SYN3: variants seen among roughly 807,000 people sequenced by gnomAD.
SYN3 encodes the protein synapsin III.
SYN3 carries 35 observed loss-of-function variants against 65.8 expected under a neutral mutation model. The ratio of observed to expected loss-of-function variants is 0.53; its 90% CI spans 0.41 to 0.70. The LOEUF (loss-of-function observed/expected upper bound fraction) is 0.70, where lower values mean the gene tolerates loss of function less well. Ranked by LOEUF, SYN3 falls within the 30% of genes least tolerant of loss-of-function variation. The pLI is 0.00. For synonymous variants in SYN3, 270 were observed against 292.9 expected, an observed-to-expected ratio of 0.92 and a Z score of 0.80; for missense variants, 680 against 749.0, an observed-to-expected ratio of 0.91 and a Z score of 1.08.
At position 32,864,984 on chromosome 22, in the gene SYN3, G is replaced by A. The variant is rs768956968; in HGVS notation, c.642C>T (p.Ile214=). Residue 214 remains isoleucine, a synonymous_variant, in exon 6 of 14, where the codon ATC becomes ATT. Transcript: ENST00000358763. The part of the protein sequence containing the change: ...KPWVFSQLIK[I]FHSLGPEKFP... ...ACTTCTCAGGACCCAGGGAATGGAA[G>A]ATCTTAATGAGCTGAGAGAACTAGG... 7 of 1,614,052 alleles carry A rather than the reference G, an allele frequency of 4.3e-6. No individual in the cohort carries two copies. In the Admixed American group the frequency reaches 1.2e-4, roughly 27 times the overall value.
chr22:32,737,362 A>C (rs1345767477), intron 6 of SYN3, among the ~76,000 whole-genome samples: 2 of 152,116 alleles, frequency 1.3e-5, no homozygotes, highest in African/African-American at 4.8e-5. Flanking sequence ...CATGTGCACA[A>C]CGTGCAGGTT....
chr22:32,989,619 G>C (rs994804744), intron 2 of SYN3, among the ~76,000 whole-genome samples: 7 of 151,978 alleles, frequency 4.6e-5, no homozygotes, highest in African/African-American at 1.7e-4. Flanking sequence ...TGGATCACCT[G>C]AGGTCAGGAG....
intron 6 of SYN3, chr22:32,849,360 C>A: frequency 9.3e-7 from 1 of 1,070,872 alleles, no homozygotes; most frequent in Non-Finnish European, 1.4e-6. Context: ...CAATTCCAGG[C>A]TCCACAGAGG....
chr22:33,009,300 C>T (rs1178994907), intron 1 of SYN3, among the ~76,000 whole-genome samples: 1 of 152,108 alleles, frequency 6.6e-6, no homozygotes, highest in Middle Eastern at 3.2e-3. Flanking sequence ...TCGTTTTCAT[C>T]CTACCCATTC....
chr22:33,052,016 G>A (rs1020183636), intron 1 of SYN3, among the ~76,000 whole-genome samples: 1 of 152,040 alleles, frequency 6.6e-6, no homozygotes, highest in African/African-American at 2.4e-5. Context: ...CTAAAACTTG[G>A]ATTAGGAAGG....
intron 6 of SYN3, among the ~76,000 whole-genome samples, chr22:32,598,531 G>A (rs1345339670): frequency 6.6e-6 from 1 of 152,104 alleles, no homozygotes; most frequent in East Asian, 1.9e-4. Flanking sequence ...TTTCGCTCAG[G>A]CTGAAGTGCA....
intron 4 of SYN3, among the ~76,000 whole-genome samples, chr22:32,925,866 C>CTTTTTTTTTTTT (rs34649323): frequency 2.3e-5 from 3 of 132,730 alleles, no homozygotes; most frequent in African/African-American, 2.8e-5. Context: ...GATAGTTGTT[C>CTTTTTTTTTTTT]TTTTTTTTTT....
intron 6 of SYN3, among the ~76,000 whole-genome samples, chr22:32,665,830 A>G (rs2060282505): frequency 6.6e-6 from 1 of 152,030 alleles, no homozygotes; most frequent in South Asian, 2.1e-4. Flanking sequence ...ATGACTCTTA[A>G]CACTATCTAT....
chr22:32,677,854 A>G (rs1351837895), intron 6 of SYN3, among the ~76,000 whole-genome samples: 1 of 152,180 alleles, frequency 6.6e-6, no homozygotes, highest in East Asian at 1.9e-4. Context: ...TTGAGTGAAA[A>G]GCAAGCTGGA....
At chr22:33,017,944 G>A (rs1365570304) in intron 1 of SYN3, among the ~76,000 whole-genome samples, 2 of 152,172 alleles carry the variant, frequency 1.3e-5, no homozygotes, top group Non-Finnish European at 2.9e-5. Context: ...AGAACAGAGG[G>A]ATGGCCAGCT....
At chr22:32,992,251 C>T (rs773613504) in intron 2 of SYN3, among the ~76,000 whole-genome samples, 3 of 152,214 alleles carry the variant, frequency 2.0e-5, no homozygotes, top group Admixed American at 1.3e-4. Flanking sequence ...GCAGCCTGAC[C>T]CTTTCATGGT....
chr22:32,931,556 A>G (rs1601720635), intron 3 of SYN3, 75 bp from the exon 4 acceptor site: 1 of 981,194 alleles, frequency 1.0e-6, no homozygotes, highest in East Asian at 2.4e-5. Flanking sequence ...CATATTGGGT[A>G]CTTAGAGGTA....
At chr22:32,752,754 G>A (rs1445981031) in intron 6 of SYN3, among the ~76,000 whole-genome samples, 1 of 152,164 alleles carries the variant, frequency 6.6e-6, no homozygotes, top group African/African-American at 2.4e-5. Context: ...GTCGATCTCT[G>A]ATCGACAGGA....
At chr22:32,613,136 T>C (rs1472227308) in intron 6 of SYN3, among the ~76,000 whole-genome samples, 1 of 152,116 alleles carries the variant, frequency 6.6e-6, no homozygotes, top group Non-Finnish European at 1.5e-5. Flanking sequence ...TCCCCAGCCA[T>C]GCCTCCTGTA....
Position 32,527,922 on chromosome 22 carries a change from C to A in SYN3, c.1314G>T (p.Pro438=), listed in dbSNP as rs182576189. 6 of 1,587,174 alleles carry A rather than the reference C, an allele frequency of 3.8e-6. No homozygotes were observed. Among genetic ancestry groups the A allele is most frequent in the East Asian group, 2.3e-5 (1 of 43,404 alleles). Residue 438 remains proline, a synonymous_variant, in exon 12 of 14, where the codon CCG becomes CCT. Transcript: ENST00000358763. ...GTGGCTCGTCCTGGGTCATACCTTG[C>A]GGAGGTGGGCGTGGCTGGGGCTGGC... The part of the protein sequence containing the change: ...QLGQPQPRPP[P]QGGPRQAQSP...
intron 6 of SYN3, among the ~76,000 whole-genome samples, chr22:32,683,371 T>C (rs2060549210): frequency 6.6e-6 from 1 of 152,138 alleles, no homozygotes; most frequent in Admixed American, 6.5e-5. Context: ...TAGGCTTCCA[T>C]GGCCATACTT....
At chr22:32,894,133 G>A (rs1162173273) in intron 4 of SYN3, among the ~76,000 whole-genome samples, 1 of 152,138 alleles carries the variant, frequency 6.6e-6, no homozygotes, top group Non-Finnish European at 1.5e-5. Context: ...TAATACTTAT[G>A]TCTTCTACGC....
intron 4 of SYN3, among the ~76,000 whole-genome samples, chr22:32,926,008 C>A (rs1294160872): frequency 1.3e-5 from 2 of 151,996 alleles, no homozygotes; most frequent in Non-Finnish European, 2.9e-5. Context: ...CACACCACCA[C>A]ACCTGGATAA....
intron 6 of SYN3, among the ~76,000 whole-genome samples, chr22:32,855,372 GAAAT>G (rs1321522992): frequency 6.6e-6 from 1 of 152,194 alleles, no homozygotes. Flanking sequence ...GCCATAAATG[GAAAT>G]AGCATTTGCC....
Sources: allele counts gnomAD v4.1 joint callset (sites outside exome capture counted in the v4.1 genomes callset), GRCh38; gene constraint gnomAD v4.1.1; transcripts MANE v1.5; gene names NCBI Gene and HGNC (gene_info 2026-07-23, HGNC 2026-07-21).